The following TMEM68 variants were observed in gnomAD, a reference collection of about 807,000 sequenced individuals.
TMEM68 encodes the protein transmembrane protein 68.
Under a neutral mutation model 36.9 loss-of-function variants are expected in TMEM68, and 25 were observed. That is an observed-to-expected ratio of 0.68 (90% CI 0.49 to 0.95). The LOEUF is 0.95. Ranked by LOEUF, TMEM68 falls within the 40% of genes least tolerant of loss-of-function variation. TMEM68 has a pLI of 0.00. For synonymous variants in TMEM68, 131 were observed against 124.4 expected (o/e 1.05, Z -0.35); for missense variants, 333 against 392.0 (o/e 0.85, Z 1.27).
intron 4 of TMEM68, among the ~76,000 whole-genome samples, chr8:55,752,477 C>T (rs1396196189): frequency 6.6e-6 from 1 of 151,884 alleles, no homozygotes; most frequent in African/African-American, 2.4e-5. Flanking sequence ...ATCCCAGCTA[C>T]TCAGGAGGCT....
In TMEM68 at chr8:55,740,039, A is replaced by C; in HGVS notation, c.*93T>G. 1 of 891,832 alleles carries C rather than the reference A, an allele frequency of 1.1e-6. No individual in the cohort carries two copies. The allele number at this position is 891,832 out of a possible 1,614,324, so 55.2% of individuals were successfully genotyped here. Reference sequence around the variant, plus strand: ...TAACATGATTTTTTTAAAAAATACTAATTATAGGACCTACAAAATTCAGAA... The same window carrying C: ...TAACATGATTTTTTTAAAAAATACTCATTATAGGACCTACAAAATTCAGAA... On this transcript the variant is annotated 3_prime_UTR_variant, in exon 8 of 8. Coordinates refer to ENST00000434581, the MANE Select transcript of TMEM68 (RefSeq NM_001286657.2).
At chr8:55,748,549 G>A (rs2129933822) in intron 5 of TMEM68, among the ~76,000 whole-genome samples, 1 of 151,522 alleles carries the variant, frequency 6.6e-6, no homozygotes. Flanking sequence ...TGTGTGCAAG[G>A]GAGAGAGGGA....
chr8:55,767,838 G>T (rs1368500942), intron 1 of TMEM68, among the ~76,000 whole-genome samples: 2 of 152,158 alleles, frequency 1.3e-5, no homozygotes, highest in Non-Finnish European at 1.5e-5. Flanking sequence ...TTGGGAGGCT[G>T]AGGCAGGAGA....
rs1047888645 is a variant in TMEM68 at position 55,739,197 on chromosome 8, T to A, written c.*935A>T. On this transcript the variant is annotated 3_prime_UTR_variant, in exon 8 of 8. Coordinates refer to ENST00000434581, the MANE Select transcript of TMEM68 (RefSeq NM_001286657.2). The stretch of plus-strand genomic sequence containing the variant: ...ATAAACCACTTCACTGGCTGTAGAG[T>A]CAAACTGGGTAAGCCTCAATATTGA... 1 of 152,552 alleles carries A rather than the reference T, an allele frequency of 6.6e-6. No individual in the cohort carries two copies. The highest frequency in any genetic ancestry group is 6.6e-5 in the Admixed American group (1 of 15,260). 9.4% of individuals were successfully genotyped at this position (152,552 alleles called of 1,614,324 possible). A position where few individuals can be genotyped will look rare whatever the true frequency, so the allele number is the denominator to read the frequency against.
rs1224791914 is a variant in TMEM68 at position 55,743,561 on chromosome 8, A to T, written c.808T>A (p.Phe270Ile). 4.6e-6 allele frequency: 7 copies of T among 1,535,848 alleles called. No individual in the cohort carries two copies. Among genetic ancestry groups the T allele is most frequent in the Non-Finnish European group, 6.1e-6 (7 of 1,146,844 alleles). ...AAATAGGTCCGTAACTTCACTGGAA[A>T]ACCTCCATACATTGGAGCAAATGGA... ...RYPFAPMYGG[F>I]PVKLRTYLGD... Residue 270 changes from phenylalanine to isoleucine, a missense_variant, in exon 7 of 8, where the codon TTT becomes ATT. Transcript: ENST00000434581.
rs763837802 is a variant in TMEM68, at chr8:55,740,115, T to C, written c.*17A>G. The C allele has an allele frequency of 1.3e-6, 2 of 1,597,694 alleles. No individual in the cohort carries two copies. Among genetic ancestry groups the C allele is most frequent in the Admixed American group, 1.7e-5 (1 of 59,316 alleles). ...AATATAAATGTACTAAATCATCTTC[T>C]AGTTGACCCTTTGTTATCAATGAAA... On this transcript the variant is annotated 3_prime_UTR_variant, in exon 8 of 8. Coordinates refer to ENST00000434581, the MANE Select transcript of TMEM68 (RefSeq NM_001286657.2).
intron 3 of TMEM68, among the ~76,000 whole-genome samples, chr8:55,759,843 C>A (rs1029451711): frequency 4.6e-5 from 7 of 152,170 alleles, no homozygotes; most frequent in African/African-American, 1.7e-4. Flanking sequence ...ACTTTAATCA[C>A]AGATTTGAAC....
chr8:55,764,971 C>G (rs1223967946), intron 1 of TMEM68, among the ~76,000 whole-genome samples: 1 of 152,124 alleles, frequency 6.6e-6, no homozygotes, highest in African/African-American at 2.4e-5. Context: ...ACTCGGGAGG[C>G]TGAGGCAGGA....
intron 3 of TMEM68, among the ~76,000 whole-genome samples, chr8:55,759,666 T>C (rs1585726032): frequency 6.6e-6 from 1 of 152,210 alleles, no homozygotes. Context: ...AAATACCATT[T>C]ACACTGTTAT....
chr8:55,767,783 C>G (rs574545896), intron 1 of TMEM68, among the ~76,000 whole-genome samples: 1 of 152,138 alleles, frequency 6.6e-6, no homozygotes, highest in Non-Finnish European at 1.5e-5. Context: ...ACCAAAAATA[C>G]AAAATTAGCC....
chr8:55,748,897 G>A (rs1810358216), intron 5 of TMEM68, among the ~76,000 whole-genome samples: 1 of 152,136 alleles, frequency 6.6e-6, no homozygotes, highest in Non-Finnish European at 1.5e-5. Flanking sequence ...AGCTGAGAAT[G>A]TACATTTTTA....
intron 1 of TMEM68, among the ~76,000 whole-genome samples, chr8:55,765,804 G>T (rs1428768781): frequency 5.3e-5 from 8 of 152,220 alleles, no homozygotes; most frequent in Non-Finnish European, 4.4e-5. Context: ...TTAGGAGCCA[G>T]ACTGAACATA....
intron 1 of TMEM68, among the ~76,000 whole-genome samples, chr8:55,769,954 A>G (rs1380213349): frequency 6.6e-6 from 1 of 152,172 alleles, no homozygotes; most frequent in Non-Finnish European, 1.5e-5. Context: ...TTTAACAGAA[A>G]TCTGGATCAA....
chr8:55,762,980 C>T lies in TMEM68; in HGVS notation c.-21G>A, dbSNP rs1810847286. ...ATCATTTTTCTTCAGGTGAAAATGA[C>T]AAATTCAGTTTCTTTCTTCATTGCC... On this transcript the variant is annotated 5_prime_UTR_variant, in exon 3 of 8. Coordinates refer to ENST00000434581, the MANE Select transcript of TMEM68 (RefSeq NM_001286657.2). The T allele has an allele frequency of 1.3e-6, 2 of 1,560,140 alleles. No homozygotes were observed. The highest frequency in any genetic ancestry group is 8.7e-7 in the Non-Finnish European group (1 of 1,155,872).
intron 1 of TMEM68, among the ~76,000 whole-genome samples, chr8:55,771,357 T>C (rs919506366): frequency 2.6e-5 from 4 of 151,930 alleles, no homozygotes; most frequent in Non-Finnish European, 5.9e-5. Flanking sequence ...ATCCTAACAC[T>C]TTGGGAGGCT....
At chr8:55,749,581 G>A (rs925514149) in intron 5 of TMEM68, among the ~76,000 whole-genome samples, 1 of 152,128 alleles carries the variant, frequency 6.6e-6, no homozygotes, top group Non-Finnish European at 1.5e-5. Flanking sequence ...AACAGTACCG[G>A]TTGCCTCGAG....
At chr8:55,755,910 AAT>A (rs1177884181) in intron 4 of TMEM68, among the ~76,000 whole-genome samples, 4 of 151,786 alleles carry the variant, frequency 2.6e-5, no homozygotes, top group Non-Finnish European at 5.9e-5. Flanking sequence ...AATATATAAA[AAT>A]ATATTTTTTT....
intron 3 of TMEM68, chr8:55,762,369 GT>G (rs769803951): frequency 1.8e-5 from 8 of 444,498 alleles, no homozygotes; most frequent in Non-Finnish European, 3.1e-5. Context: ...TCTTTTAGAT[GT>G]TTTAAATATA....
intron 4 of TMEM68, among the ~76,000 whole-genome samples, chr8:55,752,797 T>C (rs1035698072): frequency 2.0e-5 from 3 of 146,882 alleles, no homozygotes; most frequent in Non-Finnish European, 4.5e-5. Context: ...CAATAGTAGC[T>C]CACTACGGCC....
Sources: gnomAD v4.1 joint callset for allele counts (sites outside exome capture counted in the v4.1 genomes callset) on GRCh38, gnomAD v4.1.1 for gene constraint, MANE v1.5 for transcripts, NCBI Gene and HGNC (gene_info 2026-07-23, HGNC 2026-07-21) for gene names.